Variants in FHOD3 observed in about 807,000 individuals in gnomAD.
FHOD3 encodes formin homology 2 domain containing 3.
In FHOD3, 90 loss-of-function variants were observed where a neutral mutation model predicts 173.0. That is an observed-to-expected ratio of 0.52 (90% CI 0.44 to 0.62). The LOEUF (loss-of-function observed/expected upper bound fraction) is 0.62, where lower values mean the gene tolerates loss of function less well. Ranked by LOEUF, FHOD3 falls within the 20% of genes least tolerant of loss-of-function variation. FHOD3 has a pLI of 0.00. For synonymous variants in FHOD3, 828 were observed against 823.0 expected (o/e 1.01, Z -0.10); for missense variants, 1,945 against 2,034.7 (o/e 0.96, Z 0.85).
At chr18:36,452,450 A>G (rs969196898) in intron 3 of FHOD3, among the ~76,000 whole-genome samples, 20 of 152,356 alleles carry the variant, frequency 1.3e-4, no homozygotes, top group Non-Finnish European at 2.6e-4. Context: ...AAATAATTGT[A>G]AGAACATTTA....
At chr18:36,720,781 T>C (rs79849645) in intron 19 of FHOD3, among the ~76,000 whole-genome samples, 5 of 37,166 alleles carry the variant, frequency 1.3e-4, no homozygotes, top group African/African-American at 4.8e-4. Context: ...CCTCCTCCTC[T>C]TCCTCCTCCT....
chr18:36,331,990 A>G (rs1309643394), intron 1 of FHOD3, among the ~76,000 whole-genome samples: 2 of 152,158 alleles, frequency 1.3e-5, no homozygotes, highest in East Asian at 3.9e-4. Context: ...GGTTGCTGAA[A>G]GAGGGCACCT....
chr18:36,412,885 G>C (rs887683327), intron 3 of FHOD3, among the ~76,000 whole-genome samples: 12 of 152,184 alleles, frequency 7.9e-5, no homozygotes, highest in Admixed American at 2.0e-4. Flanking sequence ...AGGAGTGGTG[G>C]GGATGGAAGC....
intron 16 of FHOD3, among the ~76,000 whole-genome samples, chr18:36,688,418 A>T (rs1056011385): frequency 6.6e-6 from 1 of 152,252 alleles, no homozygotes; most frequent in South Asian, 2.1e-4. Context: ...TTTAAGAATT[A>T]GATGCTTAGA....
At chr18:36,654,271 T>TTA (rs1272381996) in intron 13 of FHOD3, among the ~76,000 whole-genome samples, 3 of 152,274 alleles carry the variant, frequency 2.0e-5, no homozygotes, top group Admixed American at 2.0e-4. Context: ...TGACCAGTCT[T>TTA]TATGGGTATC....
At chr18:36,368,751 G>A (rs1043111654) in intron 2 of FHOD3, among the ~76,000 whole-genome samples, 1 of 152,188 alleles carries the variant, frequency 6.6e-6, no homozygotes, top group Non-Finnish European at 1.5e-5. Flanking sequence ...GAAGGTGAAG[G>A]AGAAGCAAAG....
intron 11 of FHOD3, among the ~76,000 whole-genome samples, chr18:36,651,147 G>A (rs1368545680): frequency 6.6e-6 from 1 of 152,004 alleles, no homozygotes; most frequent in Non-Finnish European, 1.5e-5. Context: ...TGTGCTCCCC[G>A]CCTGAGGCAC....
intron 3 of FHOD3, among the ~76,000 whole-genome samples, chr18:36,483,747 C>G (rs1044271783): frequency 6.6e-6 from 1 of 152,220 alleles, no homozygotes; most frequent in Non-Finnish European, 1.5e-5. Context: ...GAATGTCATA[C>G]ATTTCGCCAT....
intron 1 of FHOD3, among the ~76,000 whole-genome samples, chr18:36,328,876 G>A (rs887934323): frequency 5.3e-5 from 8 of 152,188 alleles, no homozygotes; most frequent in Non-Finnish European, 5.9e-5. Context: ...ACCTCATTTT[G>A]TGTGTTTAAG....
At chr18:36,677,903 G>A (rs187933934) in intron 14 of FHOD3, among the ~76,000 whole-genome samples, 44 of 152,032 alleles carry the variant, frequency 2.9e-4, no homozygotes, top group Admixed American at 1.7e-3. Context: ...CTTTTAATAA[G>A]GTTTTATAAA....
intron 23 of FHOD3, among the ~76,000 whole-genome samples, chr18:36,746,635 T>G (rs1399873196): frequency 6.6e-6 from 1 of 152,198 alleles, no homozygotes; most frequent in Non-Finnish European, 1.5e-5. Flanking sequence ...ATCTTCTTAG[T>G]TCATCTTGTA....
intron 5 of FHOD3, among the ~76,000 whole-genome samples, chr18:36,553,291 G>T (rs1186781208): frequency 6.6e-6 from 1 of 152,140 alleles, no homozygotes; most frequent in East Asian, 1.9e-4. Context: ...TTTTTTGGTT[G>T]TGTCTCTGCC....
chr18:36,499,551 G>A (rs1860356773), intron 3 of FHOD3, among the ~76,000 whole-genome samples: 1 of 152,110 alleles, frequency 6.6e-6, no homozygotes, highest in Admixed American at 6.5e-5. Context: ...AGTAGTATTA[G>A]CAAAAAACAA....
intron 1 of FHOD3, among the ~76,000 whole-genome samples, chr18:36,330,312 A>G (rs1470623950): frequency 3.3e-5 from 5 of 152,226 alleles, no homozygotes. Flanking sequence ...AAAGATACCC[A>G]AAGTAGCAGG....
chr18:36,449,991 G>C (rs138800732), intron 3 of FHOD3, among the ~76,000 whole-genome samples: 3,305 of 152,134 alleles, frequency 0.022, 118 homozygotes, highest in African/African-American at 0.075. Flanking sequence ...TTCTTCAGTG[G>C]TGATTTCTGA....
intron 10 of FHOD3, among the ~76,000 whole-genome samples, chr18:36,633,640 T>C (rs2034671316): frequency 6.6e-6 from 1 of 152,182 alleles, no homozygotes; most frequent in Non-Finnish European, 1.5e-5. Context: ...ACCCAGGCAG[T>C]CAGAGTCCAT....
At chr18:36,423,688 G>A (rs1301029332) in intron 3 of FHOD3, among the ~76,000 whole-genome samples, 1 of 152,190 alleles carries the variant, frequency 6.6e-6, no homozygotes, top group East Asian at 1.9e-4. Context: ...GGTGGAAGAA[G>A]AATGACATGA....
chr18:36,729,821 T>G (rs2041262833), intron 19 of FHOD3, among the ~76,000 whole-genome samples: 1 of 152,196 alleles, frequency 6.6e-6, no homozygotes, highest in Non-Finnish European at 1.5e-5. Context: ...CTTGCCAAGC[T>G]CCCATCTTTT....
chr18:36,477,384 T>C (rs1490648287), intron 3 of FHOD3, among the ~76,000 whole-genome samples: 1 of 152,118 alleles, frequency 6.6e-6, no homozygotes, highest in African/African-American at 2.4e-5. Context: ...ATCTTAGGCT[T>C]AAAGCTCAAG....
Sources: gnomAD v4.1 joint callset for allele counts (sites outside exome capture counted in the v4.1 genomes callset) on GRCh38, gnomAD v4.1.1 for gene constraint, MANE v1.5 for transcripts, NCBI Gene and HGNC (gene_info 2026-07-23, HGNC 2026-07-21) for gene names.